ABHD12: variants seen among roughly 807,000 people sequenced by gnomAD.
The protein encoded by ABHD12 is abhydrolase domain containing 12, lysophospholipase, also known as lysophosphatidylserine lipase ABHD12.
Under a neutral mutation model 58.3 loss-of-function variants are expected in ABHD12, and 43 were observed. The observed-to-expected ratio is 0.74, with a 90% CI of 0.58 to 0.95. The LOEUF is 0.95. ABHD12 is among the 40% of genes least tolerant of loss of function. The pLI is 0.00. For missense variants in ABHD12, 539 were observed against 537.2 expected, an observed-to-expected ratio of 1.00 and a Z score of -0.03; for synonymous variants, 219 against 211.2, an observed-to-expected ratio of 1.04 and a Z score of -0.32.
intron 9 of ABHD12, 51 bp from the exon 10 acceptor site, chr20:25,306,966 G>T (rs781025238): frequency 6.6e-6 from 9 of 1,360,734 alleles, no homozygotes; most frequent in Non-Finnish European, 9.4e-6. Context: ...AGATATCCAG[G>T]CACAGGTCAA....
At chr20:25,309,260 G>A (rs1018641313) in intron 7 of ABHD12, among the ~76,000 whole-genome samples, 186 bp downstream of exon 7, 9 of 152,200 alleles carry the variant, frequency 5.9e-5, no homozygotes, top group Non-Finnish European at 1.3e-4. Context: ...TGGACGAGGA[G>A]CTCAGATCCT....
At chr20:25,343,412 C>A (rs566303422) in intron 1 of ABHD12, among the ~76,000 whole-genome samples, 8 of 152,246 alleles carry the variant, frequency 5.3e-5, no homozygotes, top group South Asian at 2.1e-4. Context: ...CTAAGCTGAG[C>A]CTAGTGGTAT....
At chr20:25,360,309 C>T (rs754526365) in intron 1 of ABHD12, among the ~76,000 whole-genome samples, 3 of 127,290 alleles carry the variant, frequency 2.4e-5, no homozygotes, top group Non-Finnish European at 4.7e-5. Context: ...GGTGCGATCT[C>T]GGCTCACTGC....
chr20:25,359,340 C>T (rs1300468280), intron 1 of ABHD12, among the ~76,000 whole-genome samples: 3 of 142,360 alleles, frequency 2.1e-5, no homozygotes, highest in East Asian at 2.6e-4. Flanking sequence ...AAGAGAATGG[C>T]GTGAACCCGG....
chr20:25,385,063 C>T (rs945991590), intron 1 of ABHD12, among the ~76,000 whole-genome samples: 4 of 151,764 alleles, frequency 2.6e-5, no homozygotes, highest in Non-Finnish European at 5.9e-5. Context: ...GCAGGCCAGG[C>T]GCGGTGGCTC....
chr20:25,345,077 T>C (rs867887437), intron 1 of ABHD12, among the ~76,000 whole-genome samples: 48 of 151,912 alleles, frequency 3.2e-4, no homozygotes, highest in African/African-American at 1.1e-3. Flanking sequence ...AACTTGGGTA[T>C]GACGAAGACT....
intron 1 of ABHD12, among the ~76,000 whole-genome samples, chr20:25,386,849 C>G (rs575116387): frequency 6.6e-6 from 1 of 152,004 alleles, no homozygotes; most frequent in East Asian, 1.9e-4. Context: ...CCACTGCACT[C>G]CAGCCTGGGC....
intron 1 of ABHD12, among the ~76,000 whole-genome samples, chr20:25,382,946 G>A (rs898819118): frequency 3.9e-5 from 6 of 152,166 alleles, no homozygotes; most frequent in Admixed American, 1.3e-4. Context: ...TTGAGGGGGG[G>A]GGCCAGCTAT....
At chr20:25,388,780 A>AT (rs1372030724) in intron 1 of ABHD12, among the ~76,000 whole-genome samples, 7 of 105,924 alleles carry the variant, frequency 6.6e-5, no homozygotes, top group African/African-American at 1.4e-4. Context: ...AAACAATTTG[A>AT]TTTTTTCTTT....
At chr20:25,380,408 T>C (rs968081531) in intron 1 of ABHD12, among the ~76,000 whole-genome samples, 3 of 152,164 alleles carry the variant, frequency 2.0e-5, no homozygotes, top group Admixed American at 2.0e-4. Context: ...TATGGCATAG[T>C]GATGCTTTTA....
chr20:25,386,678 C>G (rs899013741), intron 1 of ABHD12, among the ~76,000 whole-genome samples: 1 of 151,966 alleles, frequency 6.6e-6, no homozygotes, highest in Non-Finnish European at 1.5e-5. Context: ...GTCAGTAGGT[C>G]GAGTCCAGCC....
chr20:25,312,533 C>T (rs2088870360), intron 6 of ABHD12, among the ~76,000 whole-genome samples: 1 of 152,210 alleles, frequency 6.6e-6, no homozygotes, highest in South Asian at 2.1e-4. Flanking sequence ...TCACTACAAC[C>T]TCCACCTCCC....
chr20:25,300,943 A>C, intron 12 of ABHD12, 59 bp from the exon 13 acceptor site: 1 of 1,545,670 alleles, frequency 6.5e-7, no homozygotes, highest in Non-Finnish European at 8.9e-7. Context: ...ATCCTTCTCC[A>C]CAGTCCTCAC....
intron 1 of ABHD12, among the ~76,000 whole-genome samples, chr20:25,354,283 G>A (rs935364455): frequency 6.6e-6 from 1 of 152,198 alleles, no homozygotes; most frequent in African/African-American, 2.4e-5. Flanking sequence ...GTTCACAGGT[G>A]TAGCGGCAGA....
At chr20:25,381,707 C>T (rs1358928781) in intron 1 of ABHD12, among the ~76,000 whole-genome samples, 1 of 151,106 alleles carries the variant, frequency 6.6e-6, no homozygotes, top group African/African-American at 2.4e-5. Context: ...GGTGCAATCT[C>T]GGCTCACTGC....
downstream of ABHD12, chr20:25,295,580 C>G (rs1478395878): frequency 6.2e-7 from 1 of 1,610,524 alleles, no homozygotes; most frequent in East Asian, 2.2e-5. Context: ...CTGCCCTGGC[C>G]CAGCCTCCTT....
chr20:25,390,477 G>GGGGGCCCCCCCCCCC, intron 1 of ABHD12, 36 bp downstream of exon 1: 2 of 98,522 alleles, frequency 2.0e-5, no homozygotes, highest in East Asian at 7.1e-4. Context: ...TGAGGGACCG[G>GGGGGCCCCCCCCCCC]CCCCCCCCCC....
At chr20:25,351,465 T>A (rs1424287576) in intron 1 of ABHD12, among the ~76,000 whole-genome samples, 1 of 152,246 alleles carries the variant, frequency 6.6e-6, no homozygotes. Flanking sequence ...AATAACTGCA[T>A]TGGAAGTCAC....
At chr20:25,333,629 C>A (rs542054860) in intron 2 of ABHD12, among the ~76,000 whole-genome samples, 1 of 151,804 alleles carries the variant, frequency 6.6e-6, no homozygotes, top group Non-Finnish European at 1.5e-5. Flanking sequence ...GGGTTTCATC[C>A]CTGGGATGCA....
Sources: allele counts gnomAD v4.1 joint callset (sites outside exome capture counted in the v4.1 genomes callset), GRCh38; gene constraint gnomAD v4.1.1; transcripts MANE v1.5; gene names NCBI Gene and HGNC (gene_info 2026-07-23, HGNC 2026-07-21).